Variants in NBEA observed in about 807,000 individuals in gnomAD.
NBEA encodes the protein neurobeachin, also known as lysosomal-trafficking regulator 2.
NBEA carries 44 observed loss-of-function variants against 343.4 expected under a neutral mutation model. The observed-to-expected ratio is 0.13, with a 90% CI of 0.10 to 0.16. The LOEUF is 0.16. Ranked by LOEUF, NBEA falls within the 10% of genes least tolerant of loss-of-function variation. The pLI is 1.00. For synonymous variants in NBEA, 1,175 were observed against 1,238.7 expected, an observed-to-expected ratio of 0.95 and a Z score of 1.08; for missense variants, 2,555 against 3,631.3, an observed-to-expected ratio of 0.70 and a Z score of 7.62.
intron 16 of NBEA, among the ~76,000 whole-genome samples, chr13:35,121,306 C>T (rs2066784678): frequency 6.6e-6 from 1 of 151,972 alleles, no homozygotes; most frequent in Admixed American, 6.6e-5. Flanking sequence ...AGGGTTTCAC[C>T]ATGTTGCCCA....
intron 39 of NBEA, among the ~76,000 whole-genome samples, chr13:35,442,282 AT>A (rs1187665699): frequency 6.6e-6 from 1 of 152,142 alleles, no homozygotes; most frequent in African/African-American, 2.4e-5. Context: ...TCTTTATGAT[AT>A]TTAGAGAGTT....
chr13:35,082,062 C>T (rs1378779799), intron 10 of NBEA, among the ~76,000 whole-genome samples: 1 of 152,088 alleles, frequency 6.6e-6, no homozygotes, highest in Non-Finnish European at 1.5e-5. Context: ...TGCTATCCCT[C>T]CCCACTTCCC....
At chr13:35,629,211 G>A (rs2083352038) in intron 49 of NBEA, among the ~76,000 whole-genome samples, 1 of 152,120 alleles carries the variant, frequency 6.6e-6, no homozygotes, top group South Asian at 2.1e-4. Flanking sequence ...CTTCAAGGAA[G>A]TGATATCCCA....
chr13:34,999,548 G>T (rs2061053842), intron 1 of NBEA, among the ~76,000 whole-genome samples: 2 of 152,126 alleles, frequency 1.3e-5, no homozygotes, highest in East Asian at 3.9e-4. Context: ...TTTGAAATCT[G>T]TGTAATACCT....
chr13:35,072,444 C>G (rs1434793851), intron 10 of NBEA, among the ~76,000 whole-genome samples: 1 of 152,010 alleles, frequency 6.6e-6, no homozygotes, highest in East Asian at 1.9e-4. Context: ...TGTGAGGAGT[C>G]AGCATACCTA....
At chr13:35,285,485 A>G (rs2035361091) in intron 34 of NBEA, among the ~76,000 whole-genome samples, 1 of 152,160 alleles carries the variant, frequency 6.6e-6, no homozygotes, top group Non-Finnish European at 1.5e-5. Flanking sequence ...ATTGTCTATA[A>G]TGAAACTGAT....
At chr13:35,227,902 A>G (rs770409625) in intron 33 of NBEA, among the ~76,000 whole-genome samples, 3 of 151,952 alleles carry the variant, frequency 2.0e-5, no homozygotes, top group Non-Finnish European at 2.9e-5. Context: ...AGAAAAGATC[A>G]CTTTGTTATG....
chr13:35,139,446 C>T (rs1034427753), intron 17 of NBEA, among the ~76,000 whole-genome samples: 1 of 151,992 alleles, frequency 6.6e-6, no homozygotes, highest in East Asian at 1.9e-4. Context: ...GTATAGTAAG[C>T]TAATACATCT....
At chr13:35,320,570 G>A (rs1241678306) in intron 36 of NBEA, among the ~76,000 whole-genome samples, 2 of 152,140 alleles carry the variant, frequency 1.3e-5, no homozygotes, top group African/African-American at 4.8e-5. Flanking sequence ...AAGTTTATGT[G>A]TCTTGGGGTT....
At chr13:35,108,409 T>C (rs2066025009) in intron 11 of NBEA, among the ~76,000 whole-genome samples, 1 of 152,036 alleles carries the variant, frequency 6.6e-6, no homozygotes, top group African/African-American at 2.4e-5. Flanking sequence ...ATTGTCCAAT[T>C]AAATTACAAT....
intron 34 of NBEA, among the ~76,000 whole-genome samples, chr13:35,276,011 A>G (rs1303525045): frequency 6.6e-6 from 1 of 152,190 alleles, no homozygotes; most frequent in African/African-American, 2.4e-5. Context: ...AATTTAAAAA[A>G]AGAAGAGATG....
intron 2 of NBEA, 61 bp from the exon 3 acceptor site, chr13:35,044,886 A>G (rs2062791946): frequency 8.4e-6 from 11 of 1,314,908 alleles, no homozygotes; most frequent in Non-Finnish European, 1.2e-5. Flanking sequence ...CAAAAAGTAT[A>G]TTACCTTGAC....
At chr13:35,588,740 C>T (rs142574281) in intron 46 of NBEA, among the ~76,000 whole-genome samples, 4 of 151,576 alleles carry the variant, frequency 2.6e-5, no homozygotes, top group African/African-American at 9.8e-5. Context: ...TTTTACTTTA[C>T]AACTTACCCT....
At chr13:35,000,434 AG>A (rs1334113370) in intron 1 of NBEA, among the ~76,000 whole-genome samples, 1 of 152,114 alleles carries the variant, frequency 6.6e-6, no homozygotes. Flanking sequence ...GGTTAGGAAA[AG>A]AATAAATCTA....
intron 38 of NBEA, among the ~76,000 whole-genome samples, chr13:35,383,596 G>T (rs921072173): frequency 6.6e-6 from 1 of 152,062 alleles, no homozygotes; most frequent in South Asian, 2.1e-4. Context: ...GGGTGAGAGG[G>T]TCAGGCATAG....
intron 36 of NBEA, among the ~76,000 whole-genome samples, chr13:35,320,167 T>C (rs1045104447): frequency 6.6e-6 from 1 of 152,208 alleles, no homozygotes; most frequent in African/African-American, 2.4e-5. Context: ...TGCCCATTAG[T>C]TGATGCTGTT....
At chr13:35,242,981 G>C (rs188889659) in intron 34 of NBEA, among the ~76,000 whole-genome samples, 262 of 151,726 alleles carry the variant, frequency 1.7e-3, no homozygotes, top group African/African-American at 6.1e-3. Flanking sequence ...TTCTACAATA[G>C]ACATATTACA....
At chr13:35,643,184 A>G (rs2084051120) in intron 49 of NBEA, among the ~76,000 whole-genome samples, 1 of 151,832 alleles carries the variant, frequency 6.6e-6, no homozygotes, top group Non-Finnish European at 1.5e-5. Flanking sequence ...GCTAATTCTT[A>G]CTTAATCTTC....
rs890488256 is a variant in NBEA, at chr13:35,670,959, C to A, written c.8872C>A (p.Arg2958=). 7.6e-6 allele frequency: 12 copies of A among 1,587,878 alleles called. No homozygotes were observed. The highest frequency in any genetic ancestry group is 1.0e-5 in the Non-Finnish European group (12 of 1,166,102). ...SIVAFNIDFN[R]WHYEHQNRY is the part of the protein sequence containing the mutation. Reference sequence around the variant, plus strand: ...TGTAGCTTTTAATATAGATTTTAATCGGTGGCATTATGAGCATCAGAACAG... The same window carrying A: ...TGTAGCTTTTAATATAGATTTTAATAGGTGGCATTATGAGCATCAGAACAG... Residue 2958 remains arginine, a synonymous_variant, in exon 59 of 59, where the codon CGG becomes AGG. Coordinates refer to ENST00000379939, the MANE Select transcript of NBEA (RefSeq NM_001385012.1).
Sources: gnomAD v4.1 joint callset for allele counts (sites outside exome capture counted in the v4.1 genomes callset) on GRCh38, gnomAD v4.1.1 for gene constraint, MANE v1.5 for transcripts, NCBI Gene and HGNC (gene_info 2026-07-23, HGNC 2026-07-21) for gene names.